Variants in NINL observed in about 807,000 individuals in gnomAD.
NINL encodes the protein ninein like.
NINL carries 153 observed loss-of-function variants against 160.3 expected under a neutral mutation model. The observed-to-expected ratio is 0.95, with a 90% CI of 0.84 to 1.09. NINL has a LOEUF of 1.09. NINL is among the 50% of genes least tolerant of loss of function. The pLI is 0.00. For missense variants in NINL, 1,829 were observed against 1,764.0 expected (o/e 1.04, Z -0.66); for synonymous variants, 800 against 734.8 (o/e 1.09, Z -1.43).
At chr20:25,455,554 G>T in intron 23 of NINL, 119 bp downstream of exon 23, 1 of 730,188 alleles carries the variant, frequency 1.4e-6, no homozygotes, top group Admixed American at 2.2e-5. Flanking sequence ...TATACATTTA[G>T]TTCCCTGGAA....
intron 13 of NINL, among the ~76,000 whole-genome samples, 200 bp from the exon 14 acceptor site, chr20:25,482,300 C>A (rs147471147): frequency 0.016 from 2,478 of 152,290 alleles, 41 homozygotes; most frequent in South Asian, 0.053. Context: ...AACAAAGGTC[C>A]TTTCTTGACT....
chr20:25,476,189 G>A lies in NINL; in HGVS notation c.3102C>T (p.Ser1034=), dbSNP rs2063230255. ...SHLQLADPQG[S]WQEQLAAPEE... ...CTGGGGCAGCAAGCTGCTCCTGCCA[G>A]GAACCCTGCGGGTCTGCGAGCTGGA... The change falls in exon 17 of 24, where the codon TCC becomes TCT. Residue 1034 remains serine (S), a synonymous_variant. Transcript: ENST00000278886. The A allele has an allele frequency of 6.2e-7, 1 of 1,614,208 alleles. No individual in the cohort carries two copies. Among genetic ancestry groups the A allele is most frequent in the Admixed American group, 1.7e-5 (1 of 60,030 alleles).
intron 1 of NINL, among the ~76,000 whole-genome samples, chr20:25,584,204 C>T (rs927803241): frequency 1.3e-5 from 2 of 152,228 alleles, no homozygotes; most frequent in African/African-American, 4.8e-5. Flanking sequence ...GGTGCAGTGG[C>T]TCACGCCTGT....
At chr20:25,510,612 T>C (rs2064050019) in intron 5 of NINL, 62 bp downstream of exon 5, 1 of 1,432,908 alleles carries the variant, frequency 7.0e-7, no homozygotes, top group Admixed American at 1.7e-5. Context: ...ATGACCCGGC[T>C]GTTCAGCTTT....
intron 2 of NINL, among the ~76,000 whole-genome samples, chr20:25,523,156 T>C (rs1282069686): frequency 6.6e-6 from 1 of 152,014 alleles, no homozygotes; most frequent in East Asian, 1.9e-4. Context: ...GTTTAGGAAA[T>C]AGTGAGAAGA....
At chr20:25,576,899 T>C (rs2065122155) in intron 1 of NINL, among the ~76,000 whole-genome samples, 1 of 152,242 alleles carries the variant, frequency 6.6e-6, no homozygotes, top group Non-Finnish European at 1.5e-5. Flanking sequence ...GTGTACACTA[T>C]CAAGTACAGT....
At chr20:25,532,077 G>A (rs188212192) in intron 1 of NINL, among the ~76,000 whole-genome samples, 168 of 152,312 alleles carry the variant, frequency 1.1e-3, no homozygotes, top group African/African-American at 3.7e-3. Context: ...CCTGGCCCAC[G>A]ACACTGCAAA....
At chr20:25,546,290 A>G (rs1174526503) in intron 1 of NINL, among the ~76,000 whole-genome samples, 2 of 152,118 alleles carry the variant, frequency 1.3e-5, no homozygotes, top group African/African-American at 4.8e-5. Context: ...CCCCAGGTGG[A>G]TTCTGACTGA....
intron 1 of NINL, among the ~76,000 whole-genome samples, chr20:25,581,260 A>G (rs560327324): frequency 1.3e-5 from 2 of 152,322 alleles, no homozygotes; most frequent in South Asian, 2.1e-4. Flanking sequence ...CCTGGCCAAC[A>G]TGGCGAAACT....
intron 1 of NINL, among the ~76,000 whole-genome samples, chr20:25,565,291 C>T (rs2064987557): frequency 6.6e-6 from 1 of 151,282 alleles, no homozygotes; most frequent in Admixed American, 6.6e-5. Context: ...CCTTATCTGG[C>T]CAAGGGAAAA....
chr20:25,462,319 C>G (rs1330271179), intron 20 of NINL, 64 bp downstream of exon 20: 2 of 1,525,008 alleles, frequency 1.3e-6, no homozygotes, highest in Non-Finnish European at 1.8e-6. Flanking sequence ...GACCTATTTG[C>G]AGCCGCCTCC....
intron 1 of NINL, among the ~76,000 whole-genome samples, chr20:25,579,058 T>C (rs1172495906): frequency 6.6e-6 from 1 of 152,120 alleles, no homozygotes; most frequent in African/African-American, 2.4e-5. Context: ...GTAGACAGGA[T>C]CACATAAGTC....
At chr20:25,536,075 C>T (rs752015600) in intron 1 of NINL, among the ~76,000 whole-genome samples, 1 of 152,218 alleles carries the variant, frequency 6.6e-6, no homozygotes, top group Non-Finnish European at 1.5e-5. Context: ...AGAATGGCAC[C>T]ATGCCCACAG....
At chr20:25,564,269 C>G (rs1479061210) in intron 1 of NINL, among the ~76,000 whole-genome samples, 1 of 151,898 alleles carries the variant, frequency 6.6e-6, no homozygotes. Context: ...TCTGCCTCGG[C>G]CTCCCAAGTA....
chr20:25,483,821 G>C (rs2063450200), intron 13 of NINL, among the ~76,000 whole-genome samples: 1 of 152,256 alleles, frequency 6.6e-6, no homozygotes, highest in Non-Finnish European at 1.5e-5. Flanking sequence ...GGGTCCTGCA[G>C]ACCTTCAGGA....
At chr20:25,551,743 G>A (rs2064809292) in intron 1 of NINL, among the ~76,000 whole-genome samples, 1 of 152,218 alleles carries the variant, frequency 6.6e-6, no homozygotes, top group Admixed American at 6.5e-5. Context: ...AACAGGGAAT[G>A]GAGGAGAGTC....
intron 1 of NINL, among the ~76,000 whole-genome samples, chr20:25,568,915 C>G (rs1204847868): frequency 6.6e-6 from 1 of 151,296 alleles, no homozygotes; most frequent in Non-Finnish European, 1.5e-5. Flanking sequence ...ATTGAGACCC[C>G]TCCCTGTCTC....
At chr20:25,505,987 G>A (rs1162535730) in intron 5 of NINL, among the ~76,000 whole-genome samples, 1 of 152,272 alleles carries the variant, frequency 6.6e-6, no homozygotes, top group African/African-American at 2.4e-5. Context: ...AGAGGGGCTG[G>A]GCGCGGTGGC....
At chr20:25,455,299 G>A (rs999313240) in intron 23 of NINL, among the ~76,000 whole-genome samples, 1 of 152,170 alleles carries the variant, frequency 6.6e-6, no homozygotes, top group Non-Finnish European at 1.5e-5. Flanking sequence ...ATGGCCCGAG[G>A]TCATGTATGC....
Sources: allele counts gnomAD v4.1 joint callset (sites outside exome capture counted in the v4.1 genomes callset), GRCh38; gene constraint gnomAD v4.1.1; transcripts MANE v1.5; gene names NCBI Gene and HGNC (gene_info 2026-07-23, HGNC 2026-07-21).